OSBPL10: variants seen among roughly 807,000 people sequenced by gnomAD.
OSBPL10 encodes the protein oxysterol binding protein like 10.
A neutral mutation model predicts 81.7 loss-of-function variants in OSBPL10; 49 were observed. That is an observed-to-expected ratio of 0.60 (90% CI 0.48 to 0.76). The LOEUF (loss-of-function observed/expected upper bound fraction) is 0.76. Ranked by LOEUF, OSBPL10 falls within the 30% of genes least tolerant of loss-of-function variation. The pLI is 0.00. For synonymous variants in OSBPL10, 419 were observed against 383.6 expected, an observed-to-expected ratio of 1.09 and a Z score of -1.08; for missense variants, 923 against 987.8, an observed-to-expected ratio of 0.93 and a Z score of 0.88.
At chr3:31,942,854 A>C (rs1697578000) in intron 1 of OSBPL10, among the ~76,000 whole-genome samples, 1 of 152,222 alleles carries the variant, frequency 6.6e-6, no homozygotes, top group Admixed American at 6.5e-5. Flanking sequence ...TAACATACAC[A>C]TAACAAAATT....
Position 31,684,112 on chromosome 3 carries a change from C to T in OSBPL10, c.1248G>A (p.Val416=), listed in dbSNP as rs370613000. 4.3e-5 allele frequency: 70 copies of T among 1,611,754 alleles called. 1 individual carries two copies. In the Admixed American group the frequency reaches 9.0e-4, roughly 21 times the overall value. The change falls in exon 8 of 12, where the codon GTG becomes GTA. Residue 416 remains valine (V), a splice_region_variant and synonymous_variant. Transcript: ENST00000396556. ...TCTCCAGGATAAAGGTGGGAAGCAC[C>T]ACCTGCATTTGGAAGGACACAAAGT... ...QLKLGMDLTK[V]VLPTFILEKR...
At chr3:31,856,568 T>G (rs954382720) in intron 3 of OSBPL10, among the ~76,000 whole-genome samples, 1 of 152,226 alleles carries the variant, frequency 6.6e-6, no homozygotes, top group Non-Finnish European at 1.5e-5. Flanking sequence ...CCCCAAAGAC[T>G]TGCTACTTCG....
At chr3:31,961,685 T>G (rs1698168169) in intron 1 of OSBPL10, among the ~76,000 whole-genome samples, 1 of 150,302 alleles carries the variant, frequency 6.7e-6, no homozygotes, top group Admixed American at 6.6e-5. Context: ...ACTGCAGCCT[T>G]GAACTCCTGG....
chr3:31,846,071 G>A (rs541007076), intron 3 of OSBPL10, among the ~76,000 whole-genome samples: 25 of 152,154 alleles, frequency 1.6e-4, no homozygotes, highest in African/African-American at 2.4e-4. Flanking sequence ...GAAGTGCAGC[G>A]GCACCATCTC....
At chr3:32,033,613 T>G (rs1418180066) in intron 2 of OSBPL10, among the ~76,000 whole-genome samples, 2 of 152,236 alleles carry the variant, frequency 1.3e-5, no homozygotes, top group African/African-American at 2.4e-5. Context: ...CAGAGTTTCA[T>G]TAACGGTATT....
intron 1 of OSBPL10, among the ~76,000 whole-genome samples, chr3:31,888,353 C>T (rs1237842687): frequency 1.3e-5 from 2 of 152,106 alleles, no homozygotes; most frequent in Admixed American, 1.3e-4. Flanking sequence ...GACCTGAAAA[C>T]TACAAAACTA....
chr3:31,663,870 C>A lies in OSBPL10; in HGVS notation c.2250+209G>T, dbSNP rs1159475366. 6 of 1,444,740 alleles carry A rather than the reference C, an allele frequency of 4.2e-6. No homozygotes were observed. The African/African-American group carries it at 4.3e-5, about 10-fold the overall frequency. 89.5% of individuals were successfully genotyped at this position (1,444,740 alleles called of 1,614,324 possible). On this transcript the variant is annotated intron_variant, in intron 11 of 11. Coordinates refer to ENST00000396556, the MANE Select transcript of OSBPL10 (RefSeq NM_017784.5). Reference sequence around the variant, plus strand: ...GAGGGGAAGTGTCAGTTGCTCAGTTCTGCCCTCCAGAAGGTTTCATGAATA... The same window carrying A: ...GAGGGGAAGTGTCAGTTGCTCAGTTATGCCCTCCAGAAGGTTTCATGAATA...
intron 1 of OSBPL10, among the ~76,000 whole-genome samples, chr3:31,908,023 G>A (rs542828054): frequency 1.3e-5 from 2 of 152,150 alleles, no homozygotes; most frequent in Admixed American, 1.3e-4. Context: ...TCTGTAAGGT[G>A]ACTCTGAGCA....
intron 6 of OSBPL10, among the ~76,000 whole-genome samples, chr3:31,706,803 A>G (rs1192741010): frequency 6.6e-6 from 1 of 152,196 alleles, no homozygotes; most frequent in Admixed American, 6.5e-5. Flanking sequence ...TGTCCCTCCC[A>G]GGAAAAAGCA....
chr3:31,903,471 G>A (rs529817614), intron 1 of OSBPL10, among the ~76,000 whole-genome samples: 122 of 151,970 alleles, frequency 8.0e-4, no homozygotes, highest in African/African-American at 2.8e-3. Context: ...TGGGACCACA[G>A]GCCATACCAC....
At chr3:31,796,464 C>T (rs939557166) in intron 4 of OSBPL10, among the ~76,000 whole-genome samples, 2 of 152,076 alleles carry the variant, frequency 1.3e-5, no homozygotes, top group Non-Finnish European at 2.9e-5. Flanking sequence ...ATGTAAGGGA[C>T]TTGAGCATCC....
intron 1 of OSBPL10, among the ~76,000 whole-genome samples, chr3:31,891,905 G>C (rs1209857338): frequency 1.3e-5 from 2 of 152,096 alleles, no homozygotes; most frequent in Non-Finnish European, 2.9e-5. Context: ...TCACTCATTT[G>C]TTTTCGGAAA....
intron 1 of OSBPL10, among the ~76,000 whole-genome samples, chr3:32,072,569 C>T (rs1271370641): frequency 6.6e-6 from 1 of 152,158 alleles, no homozygotes; most frequent in Non-Finnish European, 1.5e-5. Context: ...TGCTAGCCCG[C>T]CTCTTAGAAC....
chr3:31,664,598 C>T (rs748682306), intron 10 of OSBPL10: 4 of 321,040 alleles, frequency 1.2e-5, no homozygotes, highest in Non-Finnish European at 2.3e-5. Context: ...CTCTTTAATC[C>T]TCACAGCAAC....
intron 1 of OSBPL10, among the ~76,000 whole-genome samples, chr3:31,925,958 G>C (rs10780017): frequency 0.54 from 82,470 of 152,014 alleles, 22,851 homozygotes; most frequent in East Asian, 0.7. Context: ...AATTCCTACT[G>C]ATCCATCGAG....
intron 4 of OSBPL10, among the ~76,000 whole-genome samples, chr3:31,819,762 A>C (rs1699936074): frequency 6.6e-6 from 1 of 152,248 alleles, no homozygotes; most frequent in Non-Finnish European, 1.5e-5. Flanking sequence ...AACTTGGAGA[A>C]GCTACAGTTC....
At chr3:31,874,164 A>G (rs1334166599) in intron 3 of OSBPL10, among the ~76,000 whole-genome samples, 3 of 151,638 alleles carry the variant, frequency 2.0e-5, no homozygotes, top group East Asian at 1.9e-4. Flanking sequence ...CTTCTCTACA[A>G]TGATTCATCA....
At chr3:31,957,827 G>T (rs78447475) in intron 1 of OSBPL10, among the ~76,000 whole-genome samples, 1 of 152,094 alleles carries the variant, frequency 6.6e-6, no homozygotes, top group Admixed American at 6.6e-5. Flanking sequence ...TTTTAGTAGA[G>T]GGGGGGTTTC....
intron 6 of OSBPL10, among the ~76,000 whole-genome samples, chr3:31,726,687 T>C (rs1301443259): frequency 6.6e-6 from 1 of 152,042 alleles, no homozygotes. Context: ...TATTTGGGAC[T>C]ACAGCTATGA....
Sources: allele counts gnomAD v4.1 joint callset (sites outside exome capture counted in the v4.1 genomes callset), GRCh38; gene constraint gnomAD v4.1.1; transcripts MANE v1.5; gene names NCBI Gene and HGNC (gene_info 2026-07-23, HGNC 2026-07-21).